MAD1L1: variants seen among roughly 807,000 people sequenced by gnomAD.
MAD1L1 encodes mitotic arrest deficient 1 like 1, also known as mitotic spindle assembly checkpoint protein MAD1.
Under a neutral mutation model 96.9 loss-of-function variants are expected in MAD1L1, and 95 were observed. The observed-to-expected ratio is 0.98, with a 90% CI of 0.83 to 1.16. MAD1L1 has a LOEUF of 1.16. MAD1L1 is among the 50% of genes most tolerant of loss of function. The pLI is 0.00. For missense variants in MAD1L1, 1,007 were observed against 954.4 expected (o/e 1.06, Z -0.73); for synonymous variants, 473 against 396.6 (o/e 1.19, Z -2.29).
chr7:1,951,807 A>G (rs1038446025), intron 16 of MAD1L1, among the ~76,000 whole-genome samples: 44 of 152,116 alleles, frequency 2.9e-4, no homozygotes, highest in Non-Finnish European at 5.1e-4. Context: ...GCTCCACCGT[A>G]TGGAAGGACC....
intron 17 of MAD1L1, among the ~76,000 whole-genome samples, chr7:1,931,040 T>A (rs1789443202): frequency 6.6e-6 from 1 of 150,952 alleles, no homozygotes; most frequent in Non-Finnish European, 1.5e-5. Flanking sequence ...AAGGGTCTGC[T>A]GACACCACGG....
intron 1 of MAD1L1, among the ~76,000 whole-genome samples, 183 bp downstream of exon 1, chr7:2,232,689 G>C (rs1411992868): frequency 6.6e-6 from 1 of 152,162 alleles, no homozygotes; most frequent in Non-Finnish European, 1.5e-5. Context: ...GGAGGGGAGA[G>C]CACAGAGAGG....
intron 17 of MAD1L1, among the ~76,000 whole-genome samples, chr7:1,920,597 A>G (rs931464921): frequency 6.6e-6 from 1 of 152,202 alleles, no homozygotes; most frequent in Non-Finnish European, 1.5e-5. Flanking sequence ...GTGGGTACAG[A>G]CGCACAGCCA....
chr7:2,045,619 T>C (rs1050942984), intron 12 of MAD1L1, among the ~76,000 whole-genome samples: 1 of 151,904 alleles, frequency 6.6e-6, no homozygotes, highest in African/African-American at 2.4e-5. Context: ...AGCCCTTTAT[T>C]AAAGCTTAGT....
chr7:2,041,754 C>T (rs1167715694), intron 12 of MAD1L1, among the ~76,000 whole-genome samples: 1 of 152,204 alleles, frequency 6.6e-6, no homozygotes, highest in Non-Finnish European at 1.5e-5. Context: ...CCTCTCTTTG[C>T]CCGAGAGGAG....
chr7:2,040,007 G>A (rs1783605532), intron 12 of MAD1L1, among the ~76,000 whole-genome samples: 1 of 152,208 alleles, frequency 6.6e-6, no homozygotes. Context: ...CAACAGAATT[G>A]ACAGAAACTT....
Position 2,225,494 on chromosome 7 carries a change from C to T in MAD1L1, c.207G>A (p.Arg69=). 1 of 1,614,180 alleles carries T rather than the reference C, an allele frequency of 6.2e-7. No homozygotes were observed. The highest frequency in any genetic ancestry group is 8.5e-7 in the Non-Finnish European group (1 of 1,180,040). Residue 69 remains arginine, a synonymous_variant, in exon 4 of 19, where the codon CGG becomes CGA. Coordinates refer to ENST00000265854, the MANE Select transcript of MAD1L1 (RefSeq NM_001013836.2). ...RSKSHLIQVE[R]EKMQMELSHK... ...GACTCAGCTCCATCTGCATTTTCTCCCGCTCCACCTGGATGAGGTGGGACT... is the reference window on the plus strand; with the variant it reads ...GACTCAGCTCCATCTGCATTTTCTCTCGCTCCACCTGGATGAGGTGGGACT...
In MAD1L1 at chr7:2,108,618, C is replaced by T. The variant is rs117349686; in HGVS notation, c.1074-39280G>A. On this transcript the variant is annotated intron_variant, in intron 11 of 18. Transcript: ENST00000265854. ...TACAGAGCCCCAGAAAGGGTCTGAACAAAGCCTTCCTCTGTAAACACTTGA... is the reference window on the plus strand; with the variant it reads ...TACAGAGCCCCAGAAAGGGTCTGAATAAAGCCTTCCTCTGTAAACACTTGA... 6.9e-3 allele frequency among the ~76,000 whole-genome samples: 1,045 copies of T among 152,302 alleles called. 3 individuals carry two copies. The highest frequency in any genetic ancestry group is 9.0e-3 in the Non-Finnish European group (614 of 68,010).
At chr7:1,916,608 A>G (rs1332157078) in intron 17 of MAD1L1, among the ~76,000 whole-genome samples, 1 of 152,172 alleles carries the variant, frequency 6.6e-6, no homozygotes, top group Non-Finnish European at 1.5e-5. Flanking sequence ...CGGACTACGC[A>G]TACCCTCCAG....
intron 18 of MAD1L1, among the ~76,000 whole-genome samples, chr7:1,837,661 T>C (rs1046510749): frequency 4.6e-5 from 7 of 152,218 alleles, no homozygotes; most frequent in African/African-American, 1.7e-4. Flanking sequence ...CTACGCTTAG[T>C]AGAAGCAGCC....
At chr7:2,057,680 T>C (rs1291265491) in intron 12 of MAD1L1, among the ~76,000 whole-genome samples, 3 of 152,230 alleles carry the variant, frequency 2.0e-5, no homozygotes, top group Non-Finnish European at 4.4e-5. Context: ...ACTTTCTAAA[T>C]CCACAGAGAA....
chr7:1,875,538 G>A (rs1785340821), intron 18 of MAD1L1, among the ~76,000 whole-genome samples: 1 of 152,176 alleles, frequency 6.6e-6, no homozygotes, highest in Admixed American at 6.5e-5. Context: ...CACAAGCAGA[G>A]GAGAAAGGAA....
At chr7:2,212,106 G>A (rs931007039) in intron 10 of MAD1L1, among the ~76,000 whole-genome samples, 3 of 152,266 alleles carry the variant, frequency 2.0e-5, no homozygotes, top group African/African-American at 7.2e-5. Context: ...ACCTGCAGGG[G>A]CACCGCGACT....
chr7:2,153,031 A>C (rs1014380201), intron 10 of MAD1L1, among the ~76,000 whole-genome samples: 5 of 152,236 alleles, frequency 3.3e-5, no homozygotes, highest in African/African-American at 1.2e-4. Flanking sequence ...ATATACAAAA[A>C]TCAACTGGAG....
At chr7:2,086,624 G>C (rs537225046) in intron 11 of MAD1L1, among the ~76,000 whole-genome samples, 1 of 152,264 alleles carries the variant, frequency 6.6e-6, no homozygotes, top group Admixed American at 6.5e-5. Flanking sequence ...GCACGCTCTC[G>C]GCTCACTGCA....
At chr7:1,841,281 G>A (rs578050087) in intron 18 of MAD1L1, among the ~76,000 whole-genome samples, 3 of 152,360 alleles carry the variant, frequency 2.0e-5, no homozygotes, top group East Asian at 1.9e-4. Context: ...CATGGGGGGC[G>A]AGGACAGCTC....
intron 17 of MAD1L1, among the ~76,000 whole-genome samples, chr7:1,910,205 G>GC (rs1209192719): frequency 1.3e-5 from 2 of 152,114 alleles, no homozygotes; most frequent in Non-Finnish European, 2.9e-5. Flanking sequence ...AGGCTCCACA[G>GC]CCCCCATGGG....
At chr7:2,149,314 G>A in intron 10 of MAD1L1, 76 bp from the exon 11 acceptor site, 1 of 1,186,236 alleles carries the variant, frequency 8.4e-7, no homozygotes, top group South Asian at 1.3e-5. Context: ...AAAACAGAAG[G>A]CCAAAAGCAA....
chr7:1,969,798 A>T (rs1304342709), intron 15 of MAD1L1, among the ~76,000 whole-genome samples: 1 of 152,244 alleles, frequency 6.6e-6, no homozygotes, highest in Non-Finnish European at 1.5e-5. Context: ...ACACTCTGCA[A>T]TACATTTACC....
Sources: allele counts gnomAD v4.1 joint callset (sites outside exome capture counted in the v4.1 genomes callset), GRCh38; gene constraint gnomAD v4.1.1; transcripts MANE v1.5; gene names NCBI Gene and HGNC (gene_info 2026-07-23, HGNC 2026-07-21).